Variants in OLFML2B observed in about 807,000 individuals in gnomAD.
OLFML2B encodes olfactomedin-like protein 2B.
OLFML2B carries 57 observed loss-of-function variants against 74.9 expected under a neutral mutation model. That is an observed-to-expected ratio of 0.76 (90% CI 0.61 to 0.95). The LOEUF (loss-of-function observed/expected upper bound fraction) is 0.95, where lower values mean the gene tolerates loss of function less well. Ranked by LOEUF, OLFML2B falls within the 40% of genes least tolerant of loss-of-function variation. The pLI is 0.00. For synonymous variants in OLFML2B, 388 were observed against 405.8 expected (o/e 0.96, Z 0.53); for missense variants, 986 against 970.6 (o/e 1.02, Z -0.21).
chr1:161,989,525 T>C (rs1390273518), intron 6 of OLFML2B, among the ~76,000 whole-genome samples: 1 of 152,182 alleles, frequency 6.6e-6, no homozygotes, highest in East Asian at 1.9e-4. Flanking sequence ...GTATTCACCA[T>C]AGTTGCCAGG....
At chr1:162,014,162 A>G (rs1357198101) in intron 3 of OLFML2B, among the ~76,000 whole-genome samples, 3 of 152,190 alleles carry the variant, frequency 2.0e-5, no homozygotes, top group Admixed American at 2.0e-4. Context: ...GTGGTTACAC[A>G]GGCATTTTGT....
chr1:162,004,392 AAT>A (rs1690162606), intron 4 of OLFML2B, among the ~76,000 whole-genome samples: 3 of 152,364 alleles, frequency 2.0e-5, no homozygotes, highest in Admixed American at 1.3e-4. Flanking sequence ...TTTCTGAAGA[AAT>A]ATGATATTTC....
In OLFML2B at chr1:161,999,591, G is replaced by GGAGGAGGAGGC. The variant is rs1036899752; in HGVS notation, c.949+511_949+521dup. ...AAGGAAAAGAAAGAAGACAAGAGGA[G>GGAGGAGGAGGC]GAGGAGGAGGCGAGGAGGAGCACAG... On this transcript the variant is annotated intron_variant, in intron 5 of 7. Transcript: ENST00000294794. Among the ~76,000 whole-genome samples the GGAGGAGGAGGC allele has an allele frequency of 6.3e-4, 96 of 152,234 alleles. 1 individual carries two copies. Among genetic ancestry groups the GGAGGAGGAGGC allele is most frequent in the African/African-American group, 2.2e-3 (90 of 41,534 alleles).
At chr1:161,995,840 GA>G (rs1438254770) in intron 6 of OLFML2B, among the ~76,000 whole-genome samples, 5 of 152,164 alleles carry the variant, frequency 3.3e-5, no homozygotes, top group Admixed American at 6.5e-5. Context: ...AGGGTGACAG[GA>G]AGCTGAAATG....
rs1689477593 is a variant in OLFML2B at position 161,983,285 on chromosome 1, T to C, written c.*390A>G. ...CATTAAAACTTTTTTTCTCGCCACATAGCACTTCTTTCTTGCCTCTTTCAT... is the reference window on the plus strand; with the variant it reads ...CATTAAAACTTTTTTTCTCGCCACACAGCACTTCTTTCTTGCCTCTTTCAT... On this transcript the variant is annotated 3_prime_UTR_variant, in exon 8 of 8. Transcript: ENST00000294794. 1 of 160,424 alleles carries C rather than the reference T, an allele frequency of 6.2e-6. No homozygotes were observed. The highest frequency in any genetic ancestry group is 1.4e-5 in the Non-Finnish European group (1 of 73,764). The allele number at this position is 160,424 out of a possible 1,614,324, so 9.9% of individuals were successfully genotyped here. A position where few individuals can be genotyped will look rare whatever the true frequency, so the allele number is the denominator to read the frequency against.
chr1:162,002,564 G>C (rs1690109938), intron 4 of OLFML2B, among the ~76,000 whole-genome samples: 1 of 152,228 alleles, frequency 6.6e-6, no homozygotes, highest in African/African-American at 2.4e-5. Context: ...ATTTGGCCTG[G>C]AAAAAGCCCT....
At position 162,007,234 on chromosome 1, in the gene OLFML2B, T is replaced by C. The variant is rs556214296; in HGVS notation, c.547-761A>G. 7.2e-5 allele frequency among the ~76,000 whole-genome samples: 11 copies of C among 152,234 alleles called. No homozygotes were observed. In the South Asian group the frequency reaches 2.3e-3, roughly 32 times the overall value. ...CTGTAAGTATCCTTGGGGTTCTGGATCTGGGTGGGGTGGGAGAGATGGCAA... is the reference window on the plus strand; with the variant it reads ...CTGTAAGTATCCTTGGGGTTCTGGACCTGGGTGGGGTGGGAGAGATGGCAA... On this transcript the variant is annotated intron_variant, in intron 3 of 7. Coordinates refer to ENST00000294794, the MANE Select transcript of OLFML2B (RefSeq NM_015441.3).
intron 6 of OLFML2B, among the ~76,000 whole-genome samples, chr1:161,991,719 G>C (rs923719922): frequency 1.3e-5 from 2 of 152,230 alleles, no homozygotes; most frequent in Admixed American, 1.3e-4. Flanking sequence ...CTTGGTGACA[G>C]AGCAAGATTC....
intron 3 of OLFML2B, among the ~76,000 whole-genome samples, chr1:162,009,023 T>C (rs1200447254): frequency 1.3e-5 from 2 of 152,200 alleles, no homozygotes; most frequent in African/African-American, 2.4e-5. Context: ...AGGGATTCAA[T>C]GTGTTACCTT....
intron 3 of OLFML2B, among the ~76,000 whole-genome samples, chr1:162,008,757 C>G (rs1315619950): frequency 6.6e-6 from 1 of 152,180 alleles, no homozygotes; most frequent in Non-Finnish European, 1.5e-5. Flanking sequence ...ACTCTGTGTA[C>G]ACATTAAAGT....
In OLFML2B at chr1:162,023,431, G is replaced by T; in HGVS notation, c.-1C>A. ...GAACTAGCAGCCGAGGCTTGGCCAT[G>T]AGGGGCGCGATAAGAGTGTCCTCAG... On this transcript the variant is annotated 5_prime_UTR_variant, in exon 1 of 8. Transcript: ENST00000294794. 6.4e-7 allele frequency: 1 copy of T among 1,555,500 alleles called. No individual in the cohort carries two copies. Among genetic ancestry groups the T allele is most frequent in the East Asian group, 2.4e-5 (1 of 42,348 alleles).
chr1:162,018,513 T>G (rs1403269267), intron 2 of OLFML2B, among the ~76,000 whole-genome samples: 1 of 152,234 alleles, frequency 6.6e-6, no homozygotes, highest in Non-Finnish European at 1.5e-5. Flanking sequence ...AAACTGACCC[T>G]GGGCTAAAAG....
At chr1:162,000,828 G>C (rs940594289) in intron 4 of OLFML2B, among the ~76,000 whole-genome samples, 8 of 152,252 alleles carry the variant, frequency 5.3e-5, no homozygotes, top group Admixed American at 4.6e-4. Context: ...GATGCACACC[G>C]CCTCAGGATG....
intron 6 of OLFML2B, among the ~76,000 whole-genome samples, chr1:161,990,636 T>C (rs978125137): frequency 2.0e-5 from 3 of 152,260 alleles, no homozygotes; most frequent in African/African-American, 7.2e-5. Flanking sequence ...TGATGGCTGC[T>C]GATTGATCAG....
At chr1:161,989,488 A>C (rs903141056) in intron 6 of OLFML2B, among the ~76,000 whole-genome samples, 2 of 152,182 alleles carry the variant, frequency 1.3e-5, no homozygotes, top group African/African-American at 2.4e-5. Context: ...TGCCAGCTTG[A>C]GATCTCTTGC....
At chr1:162,017,994 A>G (rs1243442750) in intron 2 of OLFML2B, among the ~76,000 whole-genome samples, 1 of 152,196 alleles carries the variant, frequency 6.6e-6, no homozygotes, top group Non-Finnish European at 1.5e-5. Flanking sequence ...ACATGGATGG[A>G]GCTGGAGGCC....
rs750598712 is a variant in OLFML2B at position 161,997,782 on chromosome 1, C to A, written c.1474+43G>T. 5 of 1,561,476 alleles carry A rather than the reference C, an allele frequency of 3.2e-6. No homozygotes were observed. In the African/African-American group the frequency reaches 5.4e-5, roughly 17 times the overall value. ...AGATATTTCCAGGCTCAGCCTTTTA[C>A]CTGAGCTGATCAGGAGACCAAGGCC... On this transcript the variant is annotated intron_variant, in intron 6 of 7. Coordinates refer to ENST00000294794, the MANE Select transcript of OLFML2B (RefSeq NM_015441.3).
intron 6 of OLFML2B, among the ~76,000 whole-genome samples, chr1:161,985,564 G>A (rs989182441): frequency 6.6e-6 from 1 of 152,224 alleles, no homozygotes; most frequent in South Asian, 2.1e-4. Context: ...GAGAAGTGTG[G>A]CCAGAGGAGA....
chr1:162,008,350 A>T (rs1690290148), intron 3 of OLFML2B, among the ~76,000 whole-genome samples: 1 of 152,204 alleles, frequency 6.6e-6, no homozygotes, highest in Admixed American at 6.5e-5. Context: ...CAGAGAGGAA[A>T]CTGAGGCCCA....
Sources: gnomAD v4.1 joint callset for allele counts (sites outside exome capture counted in the v4.1 genomes callset) on GRCh38, gnomAD v4.1.1 for gene constraint, MANE v1.5 for transcripts, NCBI Gene and HGNC (gene_info 2026-07-23, HGNC 2026-07-21) for gene names.